NT5DC3: variants seen among roughly 807,000 people sequenced by gnomAD.
NT5DC3 encodes the protein 5'-nucleotidase domain-containing protein 3.
In NT5DC3, 42 loss-of-function variants were observed where a neutral mutation model predicts 67.8. That is an observed-to-expected ratio of 0.62 (90% confidence interval 0.48 to 0.80). NT5DC3 has a LOEUF of 0.80. Ranked by LOEUF, NT5DC3 falls within the 30% of genes least tolerant of loss-of-function variation. The pLI is 0.00. For missense variants in NT5DC3, 570 were observed against 696.4 expected, an observed-to-expected ratio of 0.82 and a Z score of 2.04; for synonymous variants, 237 against 255.6, an observed-to-expected ratio of 0.93 and a Z score of 0.69.
At chr12:103,769,441 C>T (rs564322104), downstream of NT5DC3, among the ~76,000 whole-genome samples, 5 of 152,236 alleles carry the variant, frequency 3.3e-5, no homozygotes, top group Admixed American at 6.5e-5. Context: ...CAAACACCAG[C>T]GGAAAACTCC....
At chr12:103,795,570 C>T (rs1886274867) in intron 6 of NT5DC3, among the ~76,000 whole-genome samples, 1 of 152,152 alleles carries the variant, frequency 6.6e-6, no homozygotes, top group Non-Finnish European at 1.5e-5. Context: ...TATCCTCTAT[C>T]TTCCTAAAAC....
Position 103,797,028 on chromosome 12 carries a change from A to G in NT5DC3, c.619T>C (p.Ser207Pro). 3.7e-6 allele frequency: 6 copies of G among 1,614,102 alleles called. No individual in the cohort carries two copies. Among genetic ancestry groups the G allele is most frequent in the Non-Finnish European group, 5.1e-6 (6 of 1,180,016 alleles). The change falls in exon 6 of 14, where the codon TCT becomes CCT. Residue 207 changes from serine (S) to proline (P), a missense_variant. Physicochemically the swap from Ser to Pro is moderately conservative, Grantham distance 74. Transcript: ENST00000392876. Reference protein sequence around the residue: ...EQMSDFYGKSSHGNTMKQFMD... With the variant: ...EQMSDFYGKSPHGNTMKQFMD... ...AACTGCTTCATCGTGTTTCCATGAG[A>G]GCTCTGCAGACAGGGTGGAAGGAAT... is the stretch of plus-strand genomic sequence containing the variant.
chr12:103,781,967 A>C (rs1005905398), intron 12 of NT5DC3, among the ~76,000 whole-genome samples: 1 of 152,260 alleles, frequency 6.6e-6, no homozygotes, highest in Non-Finnish European at 1.5e-5. Flanking sequence ...TAGCCAGTGC[A>C]ATAGCCTACA....
At chr12:103,761,867 G>A in the NT5DC3 span, among the ~76,000 whole-genome samples, 10 of 152,174 alleles carry the variant, frequency 6.6e-5, no homozygotes, top group Non-Finnish European at 1.5e-4. Flanking sequence ...ATAAAAGTTG[G>A]TGATGGTGGT....
At chr12:103,782,080 T>C (rs916711664) in intron 12 of NT5DC3, among the ~76,000 whole-genome samples, 33 of 152,308 alleles carry the variant, frequency 2.2e-4, no homozygotes, top group Middle Eastern at 6.8e-3. Flanking sequence ...AAGAATAATT[T>C]CATGACAGGC....
chr12:103,839,889 T>G (rs1888306005), intron 1 of NT5DC3, among the ~76,000 whole-genome samples: 1 of 152,252 alleles, frequency 6.6e-6, no homozygotes. Context: ...ATGGAAAATG[T>G]GATCCTATAA....
At chr12:103,749,841 C>CAAAAAAAAAAAAAAAAAAAAAA in the NT5DC3 span, among the ~76,000 whole-genome samples, 2 of 51,154 alleles carry the variant, frequency 3.9e-5, no homozygotes, top group African/African-American at 7.1e-5. Context: ...CTCTGTCTCA[C>CAAAAAAAAAAAAAAAAAAAAAA]AAAAAAAAAA....
downstream of NT5DC3, chr12:103,766,513 C>A: frequency 1.5e-6 from 1 of 661,208 alleles, no homozygotes; most frequent in Non-Finnish European, 2.5e-6. Flanking sequence ...TTGCTGTGCC[C>A]ACCCAGTACA....
chr12:103,825,759 G>A (rs546769443), intron 1 of NT5DC3, among the ~76,000 whole-genome samples: 1 of 152,316 alleles, frequency 6.6e-6, no homozygotes, highest in Non-Finnish European at 1.5e-5. Flanking sequence ...AGGAAACAGA[G>A]CAAGACCCTA....
chr12:103,766,209 C>T, downstream of NT5DC3: 1 of 1,576,086 alleles, frequency 6.3e-7, no homozygotes, highest in Non-Finnish European at 8.7e-7. Context: ...ATGCCTCAGA[C>T]CAGTGGCCAC....
chr12:103,746,343 C>T, the NT5DC3 span: 1 of 336,160 alleles, frequency 3.0e-6, no homozygotes. Flanking sequence ...TAATTGATAG[C>T]CCCTAAAGAA....
At chr12:103,827,782 ATGTAGTATTTGAC>A (rs1370391247) in intron 1 of NT5DC3, among the ~76,000 whole-genome samples, 1 of 152,212 alleles carries the variant, frequency 6.6e-6, no homozygotes, top group Non-Finnish European at 1.5e-5. Flanking sequence ...TAGATATAAC[ATGTAGTATTTGAC>A]TTTTAAAAAA....
downstream of NT5DC3, chr12:103,771,369 T>G (rs1885177316): frequency 6.6e-6 from 1 of 152,188 alleles, no homozygotes; most frequent in Non-Finnish European, 1.5e-5. Context: ...CACAAAAATT[T>G]TTTGTGGTTA....
Position 103,806,314 on chromosome 12 carries a change from A to G in NT5DC3, c.524+8T>C. On this transcript the variant is annotated splice_region_variant and intron_variant, in intron 4 of 13. Coordinates refer to ENST00000392876, the MANE Select transcript of NT5DC3 (RefSeq NM_001031701.3). ...ACGTAAATTAAATGTATCTCCTCTT[A>G]CTCTTACCTGTAGACAGTTCCCAGC... 1.9e-6 allele frequency: 3 copies of G among 1,582,136 alleles called. No individual in the cohort carries two copies. The highest frequency in any genetic ancestry group is 2.6e-6 in the Non-Finnish European group (3 of 1,151,112).
At chr12:103,755,739 G>A in the NT5DC3 span, 1 of 1,613,306 alleles carries the variant, frequency 6.2e-7, no homozygotes, top group Non-Finnish European at 8.5e-7. Flanking sequence ...TGTCTGCTTG[G>A]TTTGCCTCAG....
chr12:103,812,880 T>A (rs1450944208), intron 2 of NT5DC3, among the ~76,000 whole-genome samples: 1 of 152,246 alleles, frequency 6.6e-6, no homozygotes, highest in Non-Finnish European at 1.5e-5. Context: ...CTATGTGCCA[T>A]CTACTTTACA....
chr12:103,796,238 C>A (rs1009759174), intron 6 of NT5DC3, among the ~76,000 whole-genome samples: 18 of 152,034 alleles, frequency 1.2e-4, no homozygotes, highest in African/African-American at 4.3e-4. Context: ...GCACCCTGGC[C>A]GGGCGTGGTG....
In NT5DC3 at chr12:103,777,921, G is replaced by A. The variant is rs767554232; in HGVS notation, c.1555C>T (p.Arg519Trp). ...NYDVSHTFYP[R>W]RTPLQHELPA... ...AGTTCGTGCTGCAGTGGAGTCCTCC[G>A]GGGGTAGAAAGTGTGGCTGACGTCA... The change falls in exon 14 of 14, where the codon CGG becomes TGG. Residue 519 changes from arginine to tryptophan, a missense_variant. This residue lies in a region of NT5DC3 where 466 missense variants were observed against 608.0 expected (regional missense o/e 0.77). Coordinates refer to ENST00000392876, the MANE Select transcript of NT5DC3 (RefSeq NM_001031701.3). The A allele has an allele frequency of 8.1e-6, 13 of 1,614,070 alleles. No homozygotes were observed. Among genetic ancestry groups the A allele is most frequent in the African/African-American group, 6.7e-5 (5 of 74,930 alleles).
the NT5DC3 span, among the ~76,000 whole-genome samples, chr12:103,747,868 G>T: frequency 9.3e-3 from 1,418 of 152,032 alleles, 21 homozygotes; most frequent in African/African-American, 0.033. Flanking sequence ...GGTGACAGGT[G>T]CCTGTAATCC....
Sources: gnomAD v4.1 joint callset for allele counts (sites outside exome capture counted in the v4.1 genomes callset) on GRCh38, gnomAD v4.1.1 for gene constraint, gnomAD v4.1.1 regional missense constraint, MANE v1.5 for transcripts, NCBI Gene and HGNC (gene_info 2026-07-23, HGNC 2026-07-21) for gene names.